The following RIPOR2 variants were observed in gnomAD, a reference collection of about 807,000 sequenced individuals.
The protein encoded by RIPOR2 is rho family-interacting cell polarization regulator 2.
A neutral mutation model predicts 114.5 loss-of-function variants in RIPOR2; 39 were observed. The observed-to-expected ratio is 0.34, with a 90% CI of 0.26 to 0.44. The LOEUF is 0.44. RIPOR2 is among the 20% of genes least tolerant of loss of function. The pLI is 1.00. For missense variants in RIPOR2, 1,007 were observed against 1,255.1 expected (o/e 0.80, Z 2.99); for synonymous variants, 445 against 484.4 (o/e 0.92, Z 1.07).
chr6:24,838,222 C>T (rs932204816), intron 14 of RIPOR2, among the ~76,000 whole-genome samples: 1 of 152,172 alleles, frequency 6.6e-6, no homozygotes, highest in Non-Finnish European at 1.5e-5. Flanking sequence ...GTCATCCCCT[C>T]TTACATTCTA....
chr6:25,022,531 CATTTTTTT>C (rs1776374196), intron 1 of RIPOR2, among the ~76,000 whole-genome samples: 2 of 64,512 alleles, frequency 3.1e-5, no homozygotes, highest in Admixed American at 1.8e-4. Context: ...TGGTACCTTC[CATTTTTTT>C]TTTTTTTTTT....
In RIPOR2 at chr6:24,953,329, G is replaced by GC. The variant is rs5875015; in HGVS notation, c.77-77513dup. ...GCCTGGGCAACAAGAGCAAAACTCT[G>GC]CCCCCCCCCAAAAAAAATTAAGGTT... On this transcript the variant is annotated intron_variant, in intron 1 of 13. Transcript: ENST00000510784. 2.6e-3 allele frequency among the ~76,000 whole-genome samples: 395 copies of GC among 151,934 alleles called. 4 individuals are homozygous for GC. Among genetic ancestry groups the GC allele is most frequent in the African/African-American group, 8.8e-3 (362 of 41,328 alleles).
chr6:25,025,326 G>T (rs374692559), intron 1 of RIPOR2, among the ~76,000 whole-genome samples: 1 of 152,110 alleles, frequency 6.6e-6, no homozygotes, highest in Non-Finnish European at 1.5e-5. Flanking sequence ...AGTGTCTGTG[G>T]TGTTACGGTT....
chr6:24,966,938 G>A (rs941434955), intron 1 of RIPOR2, among the ~76,000 whole-genome samples: 1 of 152,182 alleles, frequency 6.6e-6, no homozygotes, highest in Non-Finnish European at 1.5e-5. Flanking sequence ...GTCCTTCAAG[G>A]TGGTCTCAGG....
At chr6:24,872,828 C>A in intron 4 of RIPOR2, 53 bp downstream of exon 4, 1 of 1,206,264 alleles carries the variant, frequency 8.3e-7, no homozygotes, top group Non-Finnish European at 1.2e-6. Flanking sequence ...GTAAAAGAAG[C>A]TATTTGGCTA....
chr6:24,900,065 T>TA (rs1768265010), intron 1 of RIPOR2, among the ~76,000 whole-genome samples: 1 of 152,214 alleles, frequency 6.6e-6, no homozygotes, highest in African/African-American at 2.4e-5. Context: ...AACCTCAGCC[T>TA]ACGTGGACAG....
intron 1 of RIPOR2, among the ~76,000 whole-genome samples, chr6:24,942,597 T>C (rs1275546536): frequency 6.6e-6 from 1 of 152,216 alleles, no homozygotes; most frequent in African/African-American, 2.4e-5. Flanking sequence ...TTTTTAATGA[T>C]TGCCATTCTG....
intron 1 of RIPOR2, among the ~76,000 whole-genome samples, chr6:25,000,192 A>G (rs1374720947): frequency 1.3e-5 from 2 of 152,030 alleles, no homozygotes; most frequent in Non-Finnish European, 2.9e-5. Context: ...TCTTACTTTC[A>G]CTTCACTCTC....
intron 21 of RIPOR2, among the ~76,000 whole-genome samples, chr6:24,808,129 C>T (rs969257545): frequency 1.3e-5 from 2 of 152,150 alleles, no homozygotes; most frequent in Non-Finnish European, 2.9e-5. Context: ...GAGCACTGCA[C>T]ACTGGTGGTG....
intron 1 of RIPOR2, among the ~76,000 whole-genome samples, chr6:24,893,127 C>CTG: frequency 6.6e-6 from 1 of 152,324 alleles, no homozygotes; most frequent in African/African-American, 2.4e-5. Flanking sequence ...CTTTAAGATA[C>CTG]TTCAACAGCA....
intron 1 of RIPOR2, among the ~76,000 whole-genome samples, chr6:25,004,986 TAC>T (rs58120451): frequency 0.021 from 3,064 of 146,448 alleles, 38 homozygotes; most frequent in African/African-American, 0.043. Flanking sequence ...TCAAATAGGC[TAC>T]ACACACACAC....
intron 1 of RIPOR2, among the ~76,000 whole-genome samples, chr6:24,951,335 GA>G (rs1772745181): frequency 6.6e-6 from 1 of 152,174 alleles, no homozygotes; most frequent in South Asian, 2.1e-4. Flanking sequence ...TTTTGTAAGA[GA>G]GGGGCAAATA....
At chr6:25,024,616 G>A in intron 1 of RIPOR2, 1 of 455,762 alleles carries the variant, frequency 2.2e-6, no homozygotes, top group African/African-American at 2.0e-5. Context: ...CATTGTTAAA[G>A]GTTTCCAGTT....
At chr6:25,003,876 G>A (rs186642062) in intron 1 of RIPOR2, among the ~76,000 whole-genome samples, 4 of 152,176 alleles carry the variant, frequency 2.6e-5, no homozygotes, top group African/African-American at 9.6e-5. Context: ...TTTTGAATTC[G>A]TATGTTAAAA....
chr6:25,041,185 A>C (rs1777450478), intron 1 of RIPOR2, among the ~76,000 whole-genome samples: 1 of 152,142 alleles, frequency 6.6e-6, no homozygotes, highest in Non-Finnish European at 1.5e-5. Context: ...CCAGCCCTCC[A>C]CCCATTTGAA....
intron 1 of RIPOR2, among the ~76,000 whole-genome samples, chr6:24,987,283 T>C (rs1431207362): frequency 6.6e-6 from 1 of 152,186 alleles, no homozygotes; most frequent in Non-Finnish European, 1.5e-5. Context: ...TTACCAGCTA[T>C]GTGACTTACA....
chr6:24,868,142 A>C (rs903157806), intron 6 of RIPOR2, among the ~76,000 whole-genome samples: 1 of 152,232 alleles, frequency 6.6e-6, no homozygotes, highest in Non-Finnish European at 1.5e-5. Context: ...AGAATGTACG[A>C]AGGCAGTAGC....
At chr6:25,001,846 C>T (rs910164875) in intron 1 of RIPOR2, among the ~76,000 whole-genome samples, 3 of 151,074 alleles carry the variant, frequency 2.0e-5, no homozygotes, top group Non-Finnish European at 4.4e-5. Flanking sequence ...ACTACAGGCG[C>T]GTGCCACCAT....
intron 1 of RIPOR2, among the ~76,000 whole-genome samples, chr6:24,889,292 A>T (rs1016003997): frequency 6.6e-6 from 1 of 152,204 alleles, no homozygotes; most frequent in African/African-American, 2.4e-5. Flanking sequence ...GGAAGATACA[A>T]ATTATTATTC....
Sources: gnomAD v4.1 joint callset for allele counts (sites outside exome capture counted in the v4.1 genomes callset) on GRCh38, gnomAD v4.1.1 for gene constraint, MANE v1.5 for transcripts, NCBI Gene and HGNC (gene_info 2026-07-23, HGNC 2026-07-21) for gene names.